The following RINT1 variants were observed in gnomAD, a reference collection of about 807,000 sequenced individuals.
The protein encoded by RINT1 is RAD50 interactor 1.
In RINT1, 75 loss-of-function variants were observed where a neutral mutation model predicts 97.7. The observed-to-expected ratio is 0.77, with a 90% confidence interval of 0.64 to 0.93. RINT1 has a LOEUF of 0.93. Ranked by LOEUF, RINT1 falls within the 40% of genes least tolerant of loss-of-function variation. RINT1 has a pLI of 0.00. For missense variants in RINT1, 892 were observed against 925.2 expected (o/e 0.96, Z 0.47); for synonymous variants, 303 against 326.3 (o/e 0.93, Z 0.77).
intron 4 of RINT1, among the ~76,000 whole-genome samples, chr7:105,544,575 C>T (rs1237867618): frequency 6.6e-6 from 1 of 152,078 alleles, no homozygotes; most frequent in Non-Finnish European, 1.5e-5. Context: ...GCTAGGACTA[C>T]AGGTGTATGC....
At chr7:105,539,888 A>G (rs1269337331) in intron 3 of RINT1, among the ~76,000 whole-genome samples, 2 of 152,184 alleles carry the variant, frequency 1.3e-5, no homozygotes, top group Non-Finnish European at 2.9e-5. Flanking sequence ...TATATACCAA[A>G]GTGACCTGAA....
intron 3 of RINT1, 115 bp from the exon 4 acceptor site, chr7:105,542,293 C>T: frequency 8.2e-6 from 6 of 733,046 alleles, no homozygotes; most frequent in Non-Finnish European, 1.1e-5. Flanking sequence ...TATGATGGTA[C>T]CACTGCACTC....
intron 2 of RINT1, 38 bp downstream of exon 2, chr7:105,532,907 C>G (rs774660980): frequency 7.5e-6 from 12 of 1,605,226 alleles, no homozygotes; most frequent in Non-Finnish European, 9.4e-6. Context: ...TTTCTTCCCG[C>G]CCAAACTCAG....
intron 11 of RINT1, among the ~76,000 whole-genome samples, chr7:105,561,995 T>C (rs1791460770): frequency 6.6e-6 from 1 of 152,196 alleles, no homozygotes; most frequent in Non-Finnish European, 1.5e-5. Flanking sequence ...AATATATATA[T>C]AGTGAAAATA....
At chr7:105,551,815 T>TA in intron 10 of RINT1, 108 bp downstream of exon 10, 1 of 873,498 alleles carries the variant, frequency 1.1e-6, no homozygotes, top group Non-Finnish European at 1.7e-6. Flanking sequence ...CCTGTAATCC[T>TA]AGCACTTTGA....
chr7:105,533,581 G>A (rs2133350740), intron 2 of RINT1, among the ~76,000 whole-genome samples: 1 of 152,308 alleles, frequency 6.6e-6, no homozygotes, highest in Admixed American at 6.5e-5. Context: ...AAACAGTTGG[G>A]AATGTGTAGC....
intron 12 of RINT1, among the ~76,000 whole-genome samples, chr7:105,564,908 G>A (rs1440740695): frequency 6.6e-6 from 1 of 152,042 alleles, no homozygotes; most frequent in Non-Finnish European, 1.5e-5. Flanking sequence ...AGGCTGACAC[G>A]AGAATTGCTT....
chr7:105,542,320 G>T, intron 3 of RINT1, 88 bp from the exon 4 acceptor site: 1 of 989,164 alleles, frequency 1.0e-6, no homozygotes, highest in South Asian at 1.6e-5. Flanking sequence ...GGGCAACAGC[G>T]TGAGATCCCC....
At chr7:105,537,472 A>G (rs1790293029) in intron 3 of RINT1, among the ~76,000 whole-genome samples, 1 of 151,980 alleles carries the variant, frequency 6.6e-6, no homozygotes, top group Non-Finnish European at 1.5e-5. Context: ...GAGAAGTATA[A>G]AGTGAAAAGA....
chr7:105,551,774 T>C (rs1790938594), intron 10 of RINT1, 67 bp downstream of exon 10: 4 of 1,351,894 alleles, frequency 3.0e-6, no homozygotes, highest in Non-Finnish European at 4.1e-6. Flanking sequence ...GTTTTTAAAG[T>C]AGCTCAGTAG....
intron 10 of RINT1, among the ~76,000 whole-genome samples, chr7:105,554,680 TCCA>T (rs755376342): frequency 2.0e-5 from 3 of 152,136 alleles, no homozygotes; most frequent in Non-Finnish European, 2.9e-5. Flanking sequence ...CCTCAGTTGA[TCCA>T]CCTGCCTTGG....
intron 4 of RINT1, among the ~76,000 whole-genome samples, chr7:105,542,917 G>T (rs950541231): frequency 6.6e-6 from 1 of 150,388 alleles, no homozygotes; most frequent in Non-Finnish European, 1.5e-5. Flanking sequence ...ATGGAGTCTC[G>T]CTCTGTCGCC....
intron 9 of RINT1, 62 bp downstream of exon 9, chr7:105,550,548 G>T: frequency 3.2e-6 from 4 of 1,249,560 alleles, no homozygotes; most frequent in South Asian, 1.3e-5. Flanking sequence ...ATACATTTTT[G>T]ATATTTTTCT....
chr7:105,532,675 G>A (rs2133348374), intron 1 of RINT1, 149 bp from the exon 2 acceptor site: 1 of 827,540 alleles, frequency 1.2e-6, no homozygotes, highest in South Asian at 1.5e-5. Flanking sequence ...GCACTTTGAG[G>A]TACCTGATTC....
At chr7:105,549,494 G>A (rs1460746413) in intron 7 of RINT1, among the ~76,000 whole-genome samples, 1 of 151,836 alleles carries the variant, frequency 6.6e-6, no homozygotes, top group African/African-American at 2.4e-5. Flanking sequence ...GATTACAGGT[G>A]CCCACCACCA....
intron 11 of RINT1, among the ~76,000 whole-genome samples, chr7:105,562,945 A>T (rs1474141917): frequency 1.3e-5 from 2 of 152,162 alleles, no homozygotes; most frequent in East Asian, 3.8e-4. Context: ...ACTTGTACAA[A>T]AATGTTCACA....
chr7:105,546,646 G>T (rs1180627145), intron 4 of RINT1, among the ~76,000 whole-genome samples: 1 of 152,214 alleles, frequency 6.6e-6, no homozygotes, highest in African/African-American at 2.4e-5. Context: ...GGCCGAGGCG[G>T]TCGGATCACT....
intron 11 of RINT1, among the ~76,000 whole-genome samples, chr7:105,562,907 C>CA (rs1242885816): frequency 1.3e-5 from 2 of 150,272 alleles, no homozygotes; most frequent in African/African-American, 2.4e-5. Context: ...CGTCTCAAAA[C>CA]AAAAAACAAA....
intron 14 of RINT1, chr7:105,566,736 T>TA (rs1791766841): frequency 6.5e-6 from 1 of 153,436 alleles, no homozygotes; most frequent in Non-Finnish European, 1.5e-5. Context: ...TTTACACGTT[T>TA]CATAGGACTG....
Sources: allele counts gnomAD v4.1 joint callset (sites outside exome capture counted in the v4.1 genomes callset), GRCh38; gene constraint gnomAD v4.1.1; transcripts MANE v1.5; gene names NCBI Gene and HGNC (gene_info 2026-07-23, HGNC 2026-07-21).